Variants in CASTOR2 observed in about 807,000 individuals in gnomAD.
CASTOR2 encodes the protein cytosolic arginine sensor for mTORC1 subunit 2.
Under a neutral mutation model 31.2 loss-of-function variants are expected in CASTOR2, and 8 were observed. The observed-to-expected ratio is 0.26, with a 90% CI of 0.15 to 0.46. The LOEUF (loss-of-function observed/expected upper bound fraction) is 0.46. CASTOR2 is among the 20% of genes least tolerant of loss of function. The pLI is 0.99. For synonymous variants in CASTOR2, 162 were observed against 158.7 expected (o/e 1.02, Z -0.16); for missense variants, 216 against 382.1 (o/e 0.57, Z 3.62).
chr7:75,006,907 TC>T (rs1804619727), intron 1 of CASTOR2, among the ~76,000 whole-genome samples: 1 of 150,146 alleles, frequency 6.7e-6, no homozygotes, highest in Admixed American at 6.6e-5. Flanking sequence ...TTAAACCTTT[TC>T]CCTTTATAAA....
Position 75,024,861 on chromosome 7 carries a change from G to T in CASTOR2, c.*162G>T. On this transcript the variant is annotated 3_prime_UTR_variant, in exon 9 of 9. Transcript: ENST00000616305. ...GATTGCCAATCCCTCCAGGGCAGGG[G>T]CCCACGCCAAGGCCTCTCCATGCCC... 6.5e-7 allele frequency: 1 copy of T among 1,526,758 alleles called. No homozygotes were observed. 94.6% of individuals were successfully genotyped at this position (1,526,758 alleles called of 1,614,324 possible).
At chr7:75,002,730 C>T (rs1334708625) in intron 1 of CASTOR2, among the ~76,000 whole-genome samples, 1 of 152,020 alleles carries the variant, frequency 6.6e-6, no homozygotes, top group East Asian at 1.9e-4. Context: ...GTAGTCCAGC[C>T]TTGAGTTTGC....
chr7:75,006,212 C>A (rs1217185450), intron 1 of CASTOR2, among the ~76,000 whole-genome samples: 1 of 152,130 alleles, frequency 6.6e-6, no homozygotes, highest in Non-Finnish European at 1.5e-5. Flanking sequence ...TGAGCCCAGG[C>A]GTTCAAGGCT....
rs118154887 is a variant in CASTOR2, at chr7:74,980,657, G to A, written c.113+15559G>A. Among the ~76,000 whole-genome samples the A allele has an allele frequency of 2.4e-3, 337 of 139,618 alleles. 14 individuals carry two copies. The East Asian group carries it at 0.053, about 22-fold the overall frequency. The allele number at this position is 139,618 out of a possible 152,430, so 91.6% of individuals were successfully genotyped here. A position where few individuals can be genotyped will look rare whatever the true frequency, so the allele number is the denominator to read the frequency against. ...TCTGTCCCCATGGCACAGATGGTCTGTTCTGCTTTGGAAGCACTGGAAGAG... is the reference window on the plus strand; with the variant it reads ...TCTGTCCCCATGGCACAGATGGTCTATTCTGCTTTGGAAGCACTGGAAGAG... On this transcript the variant is annotated intron_variant, in intron 1 of 8. Transcript: ENST00000616305.
At chr7:75,004,603 C>G (rs1244264806) in intron 1 of CASTOR2, among the ~76,000 whole-genome samples, 2 of 152,226 alleles carry the variant, frequency 1.3e-5, no homozygotes, top group South Asian at 4.1e-4. Context: ...CCCACCACCA[C>G]GCCGGGCTAA....
intron 7 of CASTOR2, among the ~76,000 whole-genome samples, chr7:75,023,539 T>C (rs1303137792): frequency 1.3e-5 from 2 of 148,786 alleles, no homozygotes; most frequent in African/African-American, 4.9e-5. Context: ...AATGGCGCAG[T>C]CTTCGCCTCC....
chr7:75,018,973 C>T lies in CASTOR2; in HGVS notation c.513C>T (p.Val171=). 1 of 1,551,984 alleles carries T rather than the reference C, an allele frequency of 6.4e-7. No homozygotes were observed. Among genetic ancestry groups the T allele is most frequent in the Non-Finnish European group, 8.7e-7 (1 of 1,147,024 alleles). The part of the protein sequence containing the change: ...ITNGFVKPKL[V]QRPVIHPLSS... Reference sequence around the variant, plus strand: ...CCTGACATCTTTGTGCTCTTACAGTCCAGAGGCCAGTCATCCACCCACTGT... The same window carrying T: ...CCTGACATCTTTGTGCTCTTACAGTTCAGAGGCCAGTCATCCACCCACTGT... The change falls in exon 5 of 9, where the codon GTC becomes GTT. Residue 171 remains valine (V), a splice_region_variant and synonymous_variant. Coordinates refer to ENST00000616305, the MANE Select transcript of CASTOR2 (RefSeq NM_001145064.3).
chr7:74,989,106 G>A (rs1201300584), intron 1 of CASTOR2, among the ~76,000 whole-genome samples: 8 of 151,516 alleles, frequency 5.3e-5, no homozygotes, highest in South Asian at 2.1e-4. Flanking sequence ...GACTACAGGC[G>A]CCCGCCACCA....
At chr7:74,986,403 T>C (rs1804066341) in intron 1 of CASTOR2, among the ~76,000 whole-genome samples, 1 of 150,726 alleles carries the variant, frequency 6.6e-6, no homozygotes. Flanking sequence ...AGGCAGAGAA[T>C]TACTTGAAGC....
At chr7:75,019,751 G>C (rs1804949597) in intron 5 of CASTOR2, among the ~76,000 whole-genome samples, 1 of 152,230 alleles carries the variant, frequency 6.6e-6, no homozygotes, top group Non-Finnish European at 1.5e-5. Context: ...GGCGGGGCAG[G>C]GTCCAGCATG....
At chr7:75,017,359 A>G (rs1554439964) in intron 2 of CASTOR2, among the ~76,000 whole-genome samples, 1 of 152,094 alleles carries the variant, frequency 6.6e-6, no homozygotes. Flanking sequence ...ATGCAGGAGA[A>G]TCACTTGAAC....
In CASTOR2 at chr7:75,024,658, G is replaced by A. The variant is rs1805079203; in HGVS notation, c.949G>A (p.Val317Ile). 1 of 1,551,632 alleles carries A rather than the reference G, an allele frequency of 6.4e-7. No homozygotes were observed. The highest frequency in any genetic ancestry group is 8.7e-7 in the Non-Finnish European group (1 of 1,146,864). Reference sequence around the variant, plus strand: ...GGTCCCCGAAGAGAACATCAATGGTGTCATCAGTGCCCTGAAGGTCAGCCA... The same window carrying A: ...GGTCCCCGAAGAGAACATCAATGGTATCATCAGTGCCCTGAAGGTCAGCCA... ...ALVPEENINGVISALKVSQAE... is the reference protein window; with the variant it reads ...ALVPEENINGIISALKVSQAE... The change falls in exon 9 of 9, where the codon GTC (valine) becomes ATC (isoleucine). Residue 317 changes from valine (V) to isoleucine (I), a missense_variant. Physicochemically the swap from Val to Ile is conservative, Grantham distance 29 (BLOSUM62 3). Transcript: ENST00000616305.
chr7:75,009,019 C>T (rs1286698478), intron 2 of CASTOR2, among the ~76,000 whole-genome samples: 5 of 151,590 alleles, frequency 3.3e-5, no homozygotes, highest in African/African-American at 9.7e-5. Context: ...TGCAATGGCA[C>T]GATCTCGGCT....
chr7:75,009,872 T>C (rs1394891127), intron 2 of CASTOR2, among the ~76,000 whole-genome samples: 2 of 150,186 alleles, frequency 1.3e-5, no homozygotes, highest in East Asian at 4.0e-4. Context: ...CTACCTGGCA[T>C]GCAGGCACTT....
chr7:75,028,380 C>G lies in CASTOR2; in HGVS notation c.*3681C>G, dbSNP rs1186671340. On this transcript the variant is annotated 3_prime_UTR_variant, in exon 9 of 9. Transcript: ENST00000616305. ...AAGTGATCCACCCACCTTGGCCTCC[C>G]GAAGTGCTGGGATTACAGGCATGAG... is the stretch of plus-strand genomic sequence containing the variant. Among the ~76,000 whole-genome samples the G allele has an allele frequency of 6.6e-6, 1 of 152,110 alleles. No homozygotes were observed. Among genetic ancestry groups the G allele is most frequent in the Middle Eastern group, 3.2e-3 (1 of 316 alleles).
rs1346210629 is a variant in CASTOR2, at chr7:75,029,276, ATG to A, written c.*4580_*4581del. On this transcript the variant is annotated 3_prime_UTR_variant, in exon 9 of 9. Coordinates refer to ENST00000616305, the MANE Select transcript of CASTOR2 (RefSeq NM_001145064.3). ...CCCCTTTCTGAGCCTAGAGATCTGG[ATG>A]TGGTGACAACCAGGGCTTTTCCCAG... is the stretch of plus-strand genomic sequence containing the variant. Among the ~76,000 whole-genome samples the A allele has an allele frequency of 1.3e-5, 2 of 150,460 alleles. No individual in the cohort carries two copies. The highest frequency in any genetic ancestry group is 6.6e-5 in the Admixed American group (1 of 15,126).
intron 2 of CASTOR2, among the ~76,000 whole-genome samples, chr7:75,008,410 T>C (rs1584472034): frequency 6.6e-6 from 1 of 152,124 alleles, no homozygotes; most frequent in Non-Finnish European, 1.5e-5. Flanking sequence ...ACCTACAAAG[T>C]GCTTTAGAAC....
intron 1 of CASTOR2, among the ~76,000 whole-genome samples, chr7:74,996,963 G>T (rs1224242222): frequency 6.6e-6 from 1 of 151,412 alleles, no homozygotes; most frequent in Admixed American, 6.6e-5. Flanking sequence ...TCAAACTCCT[G>T]ACCTCAGGTG....
At chr7:74,974,409 T>C (rs1803750148) in intron 1 of CASTOR2, among the ~76,000 whole-genome samples, 2 of 150,228 alleles carry the variant, frequency 1.3e-5, no homozygotes, top group Admixed American at 6.6e-5. Context: ...CCAGCAAAGG[T>C]AGAGGGTGAG....
Sources: allele counts gnomAD v4.1 joint callset (sites outside exome capture counted in the v4.1 genomes callset), GRCh38; gene constraint gnomAD v4.1.1; transcripts MANE v1.5; gene names NCBI Gene and HGNC (gene_info 2026-07-23, HGNC 2026-07-21).